Variants in ZBTB17 observed in about 807,000 individuals in gnomAD.
The protein encoded by ZBTB17 is zinc finger and BTB domain-containing protein 17.
Under a neutral mutation model 85.1 loss-of-function variants are expected in ZBTB17, and 24 were observed. The ratio of observed to expected loss-of-function variants is 0.28; its 90% CI spans 0.20 to 0.40. The LOEUF is 0.40. Ranked by LOEUF, ZBTB17 falls within the 10% of genes least tolerant of loss-of-function variation. The pLI, the probability that ZBTB17 is intolerant of heterozygous loss-of-function variation, is 1.00. For synonymous variants in ZBTB17, 464 were observed against 460.2 expected (o/e 1.01, Z -0.11); for missense variants, 743 against 1,105.1 (o/e 0.67, Z 4.65).
Position 15,942,127 on chromosome 1 carries a change from C to G in ZBTB17, c.2254G>C (p.Asp752His). 1.2e-6 allele frequency: 2 copies of G among 1,613,484 alleles called. No individual in the cohort carries two copies. The highest frequency in any genetic ancestry group is 1.7e-6 in the Non-Finnish European group (2 of 1,180,032). Residue 752 changes from aspartate to histidine, a missense_variant, in exon 16 of 16, where the codon GAC becomes CAC. Physicochemically the swap from Asp to His is moderately conservative, Grantham distance 81 (BLOSUM62 -1). Transcript: ENST00000375743. ...CCTGGCCCATACTGCTGATAGAAGT[C>G]CGCGTCTGTCTGGAACATGACCAGT... ...QALVMFQTDADFYQQYGPGGT... is the reference protein window; with the variant it reads ...QALVMFQTDAHFYQQYGPGGT...
At chr1:15,947,396 G>A (rs2071652598) in intron 3 of ZBTB17, 1 of 448,430 alleles carries the variant, frequency 2.2e-6, no homozygotes, top group Non-Finnish European at 4.0e-6. Flanking sequence ...CAGAGGACAG[G>A]AGGTGTGAAT....
chr1:15,950,658 T>C (rs1009790015), intron 2 of ZBTB17, among the ~76,000 whole-genome samples: 7 of 152,168 alleles, frequency 4.6e-5, no homozygotes, highest in Admixed American at 1.3e-4. Context: ...CTTCCTCACC[T>C]TCCCCAGGAG....
chr1:15,942,149 C>T lies in ZBTB17; in HGVS notation c.2232G>A (p.Leu744=), dbSNP rs147516539. The T allele has an allele frequency of 8.3e-4, 1,336 of 1,613,666 alleles. 6 individuals are homozygous for T. Among genetic ancestry groups the T allele is most frequent in the Non-Finnish European group, 3.7e-4 (432 of 1,180,040 alleles). ...AGTCCGCGTCTGTCTGGAACATGACCAGTGCCTGGGCTGTGTGGATTCGCA... is the reference window on the plus strand; with the variant it reads ...AGTCCGCGTCTGTCTGGAACATGACTAGTGCCTGGGCTGTGTGGATTCGCA... ...QHVRIHTAQA[L]VMFQTDADFY... Residue 744 remains leucine, a synonymous_variant, in exon 16 of 16, where the codon CTG becomes CTA. Coordinates refer to ENST00000375743, the MANE Select transcript of ZBTB17 (RefSeq NM_003443.3).
chr1:15,943,273 C>T (rs2071436669), intron 12 of ZBTB17, 79 bp from the exon 13 acceptor site: 7 of 1,605,928 alleles, frequency 4.4e-6, no homozygotes, highest in Non-Finnish European at 6.0e-6. Flanking sequence ...CTGAAAAGGA[C>T]CCCTAGGACC....
At position 15,946,228 on chromosome 1, in the gene ZBTB17, C is replaced by A. The variant is rs1383209475; in HGVS notation, c.461G>T (p.Gly154Val). 1 of 1,613,692 alleles carries A rather than the reference C, an allele frequency of 6.2e-7. No homozygotes were observed. ...TSTLSRLEQA[G>V]RSTPIGPSRD... ...GCTGGGGCCTATGGGTGTGCTGCGT[C>A]CTGCCTGCTCCAGCCTGCTCAGCGT... The change falls in exon 5 of 16, where the codon GGA becomes GTA. Residue 154 changes from glycine to valine, a missense_variant. Gly to Val is a moderately radical substitution (Grantham distance 109). Around this residue, in one of 4 missense-constraint regions of ZBTB17, gnomAD observed 279 missense variants for 269.9 expected, o/e 1.03. Transcript: ENST00000375743.
chr1:15,952,009 C>A lies in ZBTB17; in HGVS notation c.-2-3512G>T, dbSNP rs552613752. Among the ~76,000 whole-genome samples, 7 of 152,268 alleles carry A rather than the reference C, an allele frequency of 4.6e-5. No individual in the cohort carries two copies. The highest frequency in any genetic ancestry group is 3.9e-4 in the Admixed American group (6 of 15,294). On this transcript the variant is annotated intron_variant, in intron 2 of 15. Transcript: ENST00000375743. This position sits in a 1 kb window ranked among gnomAD's most constrained non-coding sequence, Gnocchi z 4.3. ...TGGAATACGGTGCCCATCGCTCAAG[C>A]ACAAGTGTCAAGGTCTGTGGTCTTG...
At chr1:15,945,320 C>T in intron 6 of ZBTB17, 118 bp from the exon 7 acceptor site, 1 of 1,456,846 alleles carries the variant, frequency 6.9e-7, no homozygotes, top group South Asian at 1.4e-5. Context: ...AAGGAAAGCC[C>T]CCGGGGGGGC....
intron 2 of ZBTB17, among the ~76,000 whole-genome samples, chr1:15,959,614 G>T (rs1167154931): frequency 6.9e-6 from 1 of 145,890 alleles, no homozygotes; most frequent in Non-Finnish European, 1.5e-5. Context: ...ACAGAGGGAA[G>T]GAGGGAGGAG....
At position 15,944,599 on chromosome 1, in the gene ZBTB17, G is replaced by A. The variant is rs941556517; in HGVS notation, c.1072C>T (p.Pro358Ser). Residue 358 changes from proline (P) to serine (S), a missense_variant and splice_region_variant, in exon 9 of 16, where the codon CCT (proline) becomes TCT (serine). By Grantham distance (74) the Pro-to-Ser change is moderately conservative (BLOSUM62 -1). Transcript: ENST00000375743. ...ACKAHEKTHS[P>S]LKPYGCEECG... ...TCCTCGCAGCCGTAGGGCTTCAGAG[G>A]GCTGCAGGGCCAGAAGGCGACAGGA... 1 of 1,599,458 alleles carries A rather than the reference G, an allele frequency of 6.3e-7. No individual in the cohort carries two copies. Among genetic ancestry groups the A allele is most frequent in the Non-Finnish European group, 8.5e-7 (1 of 1,179,574 alleles).
intron 2 of ZBTB17, among the ~76,000 whole-genome samples, chr1:15,965,113 C>CAA (rs879579087): frequency 6.5e-5 from 4 of 61,840 alleles, no homozygotes; most frequent in South Asian, 1.0e-3. Context: ...GACTCCGTAT[C>CAA]AAAAAAAAAA....
rs373050871 is a variant in ZBTB17 at position 15,942,314 on chromosome 1, C to T, written c.2128+17G>A. 1.2e-4 allele frequency: 200 copies of T among 1,613,790 alleles called. No homozygotes were observed. Among genetic ancestry groups the T allele is most frequent in the South Asian group, 1.8e-4 (16 of 91,068 alleles). ...CCCGGGCTCTGCCCACATTCACACCCGGGTGGCCCCCCTCACCTTCTTCCT... is the reference window on the plus strand; with the variant it reads ...CCCGGGCTCTGCCCACATTCACACCTGGGTGGCCCCCCTCACCTTCTTCCT... On this transcript the variant is annotated intron_variant, in intron 15 of 15. Coordinates refer to ENST00000375743, the MANE Select transcript of ZBTB17 (RefSeq NM_003443.3).
intron 9 of ZBTB17, 56 bp downstream of exon 9, chr1:15,944,244 T>TGCGGCTGCGGCCACCG: frequency 6.5e-7 from 1 of 1,543,618 alleles, no homozygotes; most frequent in Non-Finnish European, 8.7e-7. Context: ...GTGGCATGCA[T>TGCGGCTGCGGCCACCG]GCGGCTGCGG....
Position 15,948,442 on chromosome 1 carries a change from C to T in ZBTB17, c.54G>A (p.Arg18=). The change falls in exon 3 of 16, where the codon CGG becomes CGA. Residue 18 remains arginine, a synonymous_variant. Transcript: ENST00000375743. ...TGCAGTCACAGAGAAGCCCCAGCTG[C>T]CGCTGCTGGTTCAGCTGTTCCAAGA... ...QHVLEQLNQQ[R]QLGLLCDCTF... is the part of the protein sequence containing the mutation. 6.2e-7 allele frequency: 1 copy of T among 1,614,088 alleles called. No homozygotes were observed. Among genetic ancestry groups the T allele is most frequent in the Non-Finnish European group, 8.5e-7 (1 of 1,180,050 alleles).
chr1:15,974,183 G>A (rs1429020088), intron 1 of ZBTB17, among the ~76,000 whole-genome samples: 2 of 128,986 alleles, frequency 1.6e-5, no homozygotes, highest in African/African-American at 5.4e-5. Context: ...AGAGCAAGAC[G>A]TAGTCTCAAA....
chr1:15,947,248 C>T, intron 3 of ZBTB17, 125 bp from the exon 4 acceptor site: 1 of 984,332 alleles, frequency 1.0e-6, no homozygotes, highest in Non-Finnish European at 1.5e-6. Context: ...GCCTGCATCG[C>T]CCCATCTCCT....
rs572854019 is a variant in ZBTB17 at position 15,946,189 on chromosome 1, T to C, written c.500A>G (p.Glu167Gly). ...TPIGPSRDLK[E>G]ERGGQAQSAA... ...ACTCTGGGCCTGACCGCCGCGCTCC[T>C]CCTTGAGGTCCCTGCTGGGGCCTAT... The change falls in exon 5 of 16, where the codon GAG becomes GGG. Residue 167 changes from glutamate to glycine, a missense_variant. Glu to Gly is a moderately conservative substitution (Grantham distance 98). Coordinates refer to ENST00000375743, the MANE Select transcript of ZBTB17 (RefSeq NM_003443.3). 1 of 1,611,838 alleles carries C rather than the reference T, an allele frequency of 6.2e-7. No homozygotes were observed. The highest frequency in any genetic ancestry group is 2.2e-5 in the East Asian group (1 of 44,874).
At chr1:15,975,613 T>C (rs1238795655) in intron 1 of ZBTB17, among the ~76,000 whole-genome samples, 1 of 147,780 alleles carries the variant, frequency 6.8e-6, no homozygotes, top group Non-Finnish European at 1.5e-5. Context: ...GCCCCGGCAC[T>C]GCGCTCCCTC....
chr1:15,965,756 G>A (rs1013833430), intron 2 of ZBTB17, among the ~76,000 whole-genome samples: 7 of 152,202 alleles, frequency 4.6e-5, no homozygotes, highest in Non-Finnish European at 8.8e-5. Context: ...TCTATGCAAC[G>A]TGGATTAATG....
In ZBTB17 at chr1:15,945,824, C is replaced by G; in HGVS notation, c.552G>C (p.Glu184Asp). The G allele has an allele frequency of 6.3e-7, 1 of 1,598,702 alleles. No homozygotes were observed. The highest frequency in any genetic ancestry group is 8.5e-7 in the Non-Finnish European group (1 of 1,177,130). Residue 184 changes from glutamate to aspartate, a missense_variant, in exon 6 of 16, where the codon GAG becomes GAC. Physicochemically the swap from Glu to Asp is conservative, Grantham distance 45. This residue lies in a region of ZBTB17 where 279 missense variants were observed against 269.9 expected (regional missense o/e 1.03). Transcript: ENST00000375743. Reference protein sequence around the residue: ...QSAASGAEQTEKADAPREPPP... With the variant: ...QSAASGAEQTDKADAPREPPP... ...GCGGCTCCCGGGGCGCATCGGCTTTCTCTGTCTGCTCTGCACCTGGGTGGG... is the reference window on the plus strand; with the variant it reads ...GCGGCTCCCGGGGCGCATCGGCTTTGTCTGTCTGCTCTGCACCTGGGTGGG...
Sources: gnomAD v4.1 joint callset for allele counts (sites outside exome capture counted in the v4.1 genomes callset) on GRCh38, gnomAD v4.1.1 for gene constraint, gnomAD v4.1.1 regional missense constraint, Gnocchi (gnomAD v3.1) non-coding constraint, MANE v1.5 for transcripts, NCBI Gene and HGNC (gene_info 2026-07-23, HGNC 2026-07-21) for gene names.